WNK2: variants seen among roughly 807,000 people sequenced by gnomAD.
The protein encoded by WNK2 is serine/threonine-protein kinase WNK2.
A neutral mutation model predicts 192.1 loss-of-function variants in WNK2; 67 were observed. The observed-to-expected ratio is 0.35, with a 90% CI of 0.29 to 0.43. The LOEUF (loss-of-function observed/expected upper bound fraction) is 0.43. WNK2 is among the 20% of genes least tolerant of loss of function. The pLI, the probability that WNK2 is intolerant of heterozygous loss-of-function variation, is 1.00. For missense variants in WNK2, 2,698 were observed against 3,089.7 expected (o/e 0.87, Z 3.01); for synonymous variants, 1,439 against 1,393.9 (o/e 1.03, Z -0.72).
rs189985146 is a variant in WNK2 at position 93,277,775 on chromosome 9, T to C, written c.4033+9029T>C. ...TTGTGGTGGTAACTAAATGGATACA[T>C]GTGTGTCAAAACTCATGGAACTCTA... On this transcript the variant is annotated intron_variant, in intron 19 of 29. Transcript: ENST00000427277. Among the ~76,000 whole-genome samples the C allele has an allele frequency of 8.5e-5, 13 of 152,316 alleles. No individual in the cohort carries two copies. The East Asian group carries it at 2.5e-3, about 29-fold the overall frequency.
chr9:93,218,576 A>C (rs1430634419), intron 2 of WNK2, among the ~76,000 whole-genome samples: 1 of 152,020 alleles, frequency 6.6e-6, no homozygotes, highest in Non-Finnish European at 1.5e-5. Context: ...GGAGGGCCCC[A>C]TTTTCATTTC....
intron 9 of WNK2, among the ~76,000 whole-genome samples, chr9:93,255,986 C>T (rs1388255706): frequency 2.0e-5 from 3 of 152,204 alleles, no homozygotes; most frequent in Admixed American, 1.3e-4. Flanking sequence ...TGAGCTTCCC[C>T]AGTTTAATGT....
chr9:93,219,766 G>T (rs909594916), intron 2 of WNK2, among the ~76,000 whole-genome samples: 4 of 152,260 alleles, frequency 2.6e-5, no homozygotes, highest in Non-Finnish European at 5.9e-5. Context: ...TAAAACACCC[G>T]TATGCCATGT....
chr9:93,259,510 C>T lies in WNK2; in HGVS notation c.2962C>T (p.Pro988Ser). ...PVLPPQPMLP[P>S]QPVLPPQPAL... ...GCTGCCCCCGCAACCCATGCTGCCC[C>T]CACAACCTGTGCTGCCCCCGCAGCC... Residue 988 changes from proline (P) to serine (S), a missense_variant, in exon 12 of 30, where the codon CCA becomes TCA. By Grantham distance (74) the Pro-to-Ser change is moderately conservative (BLOSUM62 -1). Around this residue, in one of 7 missense-constraint regions of WNK2, gnomAD observed 893 missense variants for 909.0 expected, o/e 0.98. Coordinates refer to ENST00000427277, the MANE Select transcript of WNK2 (RefSeq NM_006648.4). This position sits in a 1 kb window ranked among gnomAD's most constrained non-coding sequence, Gnocchi z 4.8. 2 of 1,574,528 alleles carry T rather than the reference C, an allele frequency of 1.3e-6. No individual in the cohort carries two copies. The highest frequency in any genetic ancestry group is 2.3e-5 in the East Asian group (1 of 43,856).
intron 19 of WNK2, among the ~76,000 whole-genome samples, chr9:93,280,056 A>C (rs976718432): frequency 6.6e-6 from 1 of 152,214 alleles, no homozygotes; most frequent in Non-Finnish European, 1.5e-5. Flanking sequence ...AGTAAACTGA[A>C]TTCGTCAAAG....
Position 93,298,043 on chromosome 9 carries a change from C to T in WNK2, c.5899C>T (p.Leu1967Phe). ...GKLLNPLVRQ[L>F]KVVASSTGHL... The stretch of plus-strand genomic sequence containing the variant: ...GCTGCTAAATCCCCTGGTGCGGCAG[C>T]TCAAGGTCGTGGCCTCCAGCACAGG... The change falls in exon 24 of 30, where the codon CTC (leucine) becomes TTC (phenylalanine). Residue 1967 changes from leucine to phenylalanine, a missense_variant. This residue lies in a region of WNK2 where 1,098 missense variants were observed against 1,101.0 expected (regional missense o/e 1.00). Coordinates refer to ENST00000427277, the MANE Select transcript of WNK2 (RefSeq NM_006648.4). 6.4e-7 allele frequency: 1 copy of T among 1,551,424 alleles called. No homozygotes were observed. Among genetic ancestry groups the T allele is most frequent in the African/African-American group, 1.4e-5 (1 of 73,214 alleles).
chr9:93,274,480 C>T (rs963697160), intron 19 of WNK2, among the ~76,000 whole-genome samples: 2 of 146,822 alleles, frequency 1.4e-5, no homozygotes, highest in African/African-American at 5.2e-5. Context: ...CCACTGCACT[C>T]CAGCCCGGGC....
At position 93,318,588 on chromosome 9, in the gene WNK2, C is replaced by A. The variant is rs573923553; in HGVS notation, c.6628+957C>A. On this transcript the variant is annotated intron_variant, in intron 29 of 29. Transcript: ENST00000427277. ...TAAGGTGTGTGTTGGGCATAGAAAC[C>A]CTGGCTGCCCGCCCACCCTGTGGAG... 1.9e-6 allele frequency: 3 copies of A among 1,608,578 alleles called. No homozygotes were observed. The South Asian group carries it at 3.3e-5, about 18-fold the overall frequency.
In WNK2 at chr9:93,303,788, G is replaced by T. The variant is rs114219384; in HGVS notation, c.6215-2989G>T. ...CCAGGTCTCCCTGGGCAGAGCCAAG[G>T]CAGATCCTGCTTCCCAATGCATGCT... On this transcript the variant is annotated intron_variant, in intron 26 of 29. Coordinates refer to ENST00000427277, the MANE Select transcript of WNK2 (RefSeq NM_006648.4). Among the ~76,000 whole-genome samples, 1,311 of 152,332 alleles carry T rather than the reference G, an allele frequency of 8.6e-3. 26 individuals carry two copies. The highest frequency in any genetic ancestry group is 0.03 in the African/African-American group (1,240 of 41,578).
At chr9:93,256,579 G>C in intron 10 of WNK2, 125 bp downstream of exon 10, 1 of 1,208,326 alleles carries the variant, frequency 8.3e-7, no homozygotes, top group Non-Finnish European at 1.1e-6. Flanking sequence ...GGTTCCCCCA[G>C]GTCTTTGGTG....
intron 2 of WNK2, among the ~76,000 whole-genome samples, chr9:93,206,190 T>A (rs1402245301): frequency 6.6e-6 from 1 of 152,242 alleles, no homozygotes; most frequent in Non-Finnish European, 1.5e-5. Flanking sequence ...CAGTGTGATC[T>A]GTCTGGAGTG....
chr9:93,318,741 C>T, intron 29 of WNK2: 1 of 1,429,882 alleles, frequency 7.0e-7, no homozygotes, highest in African/African-American at 1.4e-5. Context: ...CCCGTCCAGC[C>T]CTAAGCCTGC....
At chr9:93,217,428 T>C (rs527794489) in intron 2 of WNK2, among the ~76,000 whole-genome samples, 173 of 152,252 alleles carry the variant, frequency 1.1e-3, no homozygotes, top group South Asian at 2.5e-3. Context: ...TTTCCTTTTC[T>C]CCAGAAGAGT....
chr9:93,276,527 G>C (rs1328120394), intron 19 of WNK2, among the ~76,000 whole-genome samples: 5 of 152,188 alleles, frequency 3.3e-5, no homozygotes. Context: ...CCAGGCAGGA[G>C]TTCTTAGACC....
At chr9:93,232,988 C>CAA (rs1839123763) in intron 4 of WNK2, among the ~76,000 whole-genome samples, 2 of 92,532 alleles carry the variant, frequency 2.2e-5, no homozygotes, top group Non-Finnish European at 4.6e-5. Context: ...AAAAAAAAGG[C>CAA]GGGGGAAGGA....
intron 2 of WNK2, among the ~76,000 whole-genome samples, chr9:93,193,560 A>G (rs942460801): frequency 3.3e-5 from 5 of 152,218 alleles, no homozygotes; most frequent in African/African-American, 1.2e-4. Flanking sequence ...TGAGCTGCAG[A>G]TAAGGAAAAG....
At chr9:93,196,799 C>T (rs770635571) in intron 2 of WNK2, among the ~76,000 whole-genome samples, 76 of 152,066 alleles carry the variant, frequency 5.0e-4, no homozygotes, top group Admixed American at 9.2e-4. Flanking sequence ...GGAGGGGTGG[C>T]GGGCTGTGGG....
At chr9:93,252,310 G>A (rs1842707136) in intron 8 of WNK2, among the ~76,000 whole-genome samples, 1 of 152,184 alleles carries the variant, frequency 6.6e-6, no homozygotes, top group African/African-American at 2.4e-5. Context: ...CTCAGGCCAT[G>A]GGCGCTTGGT....
intron 29 of WNK2, chr9:93,318,632 G>T (rs1855143324): frequency 4.4e-6 from 7 of 1,575,326 alleles, no homozygotes; most frequent in Non-Finnish European, 6.0e-6. Flanking sequence ...AGCTCCTCCA[G>T]CTGGAGAGGC....
Sources: allele counts gnomAD v4.1 joint callset (sites outside exome capture counted in the v4.1 genomes callset), GRCh38; gene constraint gnomAD v4.1.1; regional missense constraint gnomAD v4.1.1; non-coding constraint Gnocchi (gnomAD v3.1); transcripts MANE v1.5; gene names NCBI Gene and HGNC (gene_info 2026-07-23, HGNC 2026-07-21).